The following CEP104 variants were observed in gnomAD, a reference collection of about 807,000 sequenced individuals.
CEP104 encodes centrosomal protein of 104 kDa.
A neutral mutation model predicts 113.3 loss-of-function variants in CEP104; 84 were observed. The ratio of observed to expected loss-of-function variants is 0.74; its 90% CI spans 0.62 to 0.89. The LOEUF (loss-of-function observed/expected upper bound fraction) is 0.89, where lower values mean the gene tolerates loss of function less well. CEP104 is among the 40% of genes least tolerant of loss of function. The probability of loss-of-function intolerance (pLI) is 0.00; values close to 1 mark genes in which losing one functional copy is unlikely to be tolerated. For synonymous variants in CEP104, 378 were observed against 421.7 expected (o/e 0.90, Z 1.27); for missense variants, 1,053 against 1,156.6 (o/e 0.91, Z 1.30).
intron 17 of CEP104, 144 bp downstream of exon 17, chr1:3,826,226 T>C: frequency 2.9e-6 from 2 of 683,116 alleles, no homozygotes; most frequent in East Asian, 2.5e-5. Flanking sequence ...TCGGAGTGGA[T>C]GCTGGTTAGT....
At chr1:3,820,492 G>A (rs918401820) in intron 20 of CEP104, among the ~76,000 whole-genome samples, 9 of 152,190 alleles carry the variant, frequency 5.9e-5, no homozygotes, top group Non-Finnish European at 1.0e-4. Flanking sequence ...GGGGCAGGAC[G>A]GCGCCTCTGT....
rs921553323 is a variant in CEP104 at position 3,812,147 on chromosome 1, G to A, written c.*3255C>T. The A allele has an allele frequency of 1.3e-5, 2 of 151,866 alleles. No individual in the cohort carries two copies. The highest frequency in any genetic ancestry group is 6.6e-5 in the Admixed American group (1 of 15,244). The allele number at this position is 151,866 out of a possible 1,614,324, so 9.4% of individuals were successfully genotyped here. On this transcript the variant is annotated 3_prime_UTR_variant, in exon 22 of 22. Transcript: ENST00000378230. ...TGAATTAACCCTTAAGCCCTAAAAC[G>A]ACAACAAAAATATATTACTTAGATA...
intron 13 of CEP104, 106 bp from the exon 14 acceptor site, chr1:3,830,103 A>C: frequency 1.3e-6 from 1 of 789,222 alleles, no homozygotes; most frequent in Non-Finnish European, 2.1e-6. Context: ...AAGAGAAAAC[A>C]TCCGTATTAA....
rs1008784906 is a variant in CEP104 at position 3,816,296 on chromosome 1, G to A, written c.2646C>T (p.Ala882=). The A allele has an allele frequency of 6.4e-7, 1 of 1,552,684 alleles. No individual in the cohort carries two copies. Among genetic ancestry groups the A allele is most frequent in the South Asian group, 1.2e-5 (1 of 84,134 alleles). ...NLRKTHILQK[A]PALQPGKSSA... ...GTCCCTCACCTGGCTGCAGTGCCGG[G>A]GCCTTCTGCAGAATGTGTGTCTTGC... The change falls in exon 21 of 22, where the codon GCC becomes GCT. Residue 882 remains alanine (A), a synonymous_variant. Coordinates refer to ENST00000378230, the MANE Select transcript of CEP104 (RefSeq NM_014704.4).
At chr1:3,846,944 G>C (rs868287323) in intron 4 of CEP104, among the ~76,000 whole-genome samples, 1 of 152,236 alleles carries the variant, frequency 6.6e-6, no homozygotes, top group Non-Finnish European at 1.5e-5. Flanking sequence ...TGAAGCTGGA[G>C]AGATTCTGGA....
In CEP104 at chr1:3,848,748, T is replaced by G; in HGVS notation, c.147A>C (p.Gln49His). Reference protein sequence around the residue: ...FCQFPQEIVLQMVERCRIRKL... With the variant: ...FCQFPQEIVLHMVERCRIRKL... ...TCCTTATTCGACATCTCTCCACCATTTGAAGGACAATTTCTTGTGGAAACT... is the reference window on the plus strand; with the variant it reads ...TCCTTATTCGACATCTCTCCACCATGTGAAGGACAATTTCTTGTGGAAACT... The change falls in exon 3 of 22, where the codon CAA becomes CAC. Residue 49 changes from glutamine (Q) to histidine (H), a missense_variant. Gln to His is a conservative substitution (Grantham distance 24). Transcript: ENST00000378230. 1 of 1,610,132 alleles carries G rather than the reference T, an allele frequency of 6.2e-7. No homozygotes were observed. Among genetic ancestry groups the G allele is most frequent in the Non-Finnish European group, 8.5e-7 (1 of 1,179,036 alleles).
chr1:3,855,000 T>C (rs1005675684), intron 1 of CEP104, among the ~76,000 whole-genome samples: 23 of 150,384 alleles, frequency 1.5e-4, no homozygotes, highest in African/African-American at 5.6e-4. Flanking sequence ...GCCTCCCAAG[T>C]AGCTAGTATT....
chr1:3,827,612 G>A (rs1313639383), intron 15 of CEP104, among the ~76,000 whole-genome samples: 1 of 152,230 alleles, frequency 6.6e-6, no homozygotes, highest in Admixed American at 6.5e-5. Flanking sequence ...AACAATGTGA[G>A]AGCACTCCAT....
In CEP104 at chr1:3,831,091, G is replaced by A; in HGVS notation, c.1791C>T (p.Asp597=). ...QMGLLARLLK[D]LGTGSSGFTI... is the part of the protein sequence containing the mutation. ...TGAAGCCCGAGCTGCCAGTGCCCAGGTCTTTCAGCAGCCGGGCCAGGAGGC... is the reference window on the plus strand; with the variant it reads ...TGAAGCCCGAGCTGCCAGTGCCCAGATCTTTCAGCAGCCGGGCCAGGAGGC... The change falls in exon 13 of 22, where the codon GAC becomes GAT. Residue 597 remains aspartate (D), a synonymous_variant. Coordinates refer to ENST00000378230, the MANE Select transcript of CEP104 (RefSeq NM_014704.4). 3.7e-6 allele frequency: 6 copies of A among 1,614,190 alleles called. No homozygotes were observed. Among genetic ancestry groups the A allele is most frequent in the Non-Finnish European group, 5.1e-6 (6 of 1,180,050 alleles).
chr1:3,828,314 T>A (rs1307052475), intron 15 of CEP104, among the ~76,000 whole-genome samples: 1 of 152,194 alleles, frequency 6.6e-6, no homozygotes, highest in Non-Finnish European at 1.5e-5. Context: ...CACACCACGA[T>A]GCGGACCTGA....
At chr1:3,844,027 C>T (rs61768927) in intron 6 of CEP104, among the ~76,000 whole-genome samples, 3 of 152,144 alleles carry the variant, frequency 2.0e-5, no homozygotes, top group Non-Finnish European at 4.4e-5. Context: ...TCCCAAAGTG[C>T]TGGGATTACA....
In CEP104 at chr1:3,839,143, T is replaced by C. The variant is rs185009188; in HGVS notation, c.736-24A>G. ...ACCTGAAGCACAAAATATTTGCTTT[T>C]TCTTTCAAATTTGGATCAACTCACA... On this transcript the variant is annotated intron_variant, in intron 7 of 21. Transcript: ENST00000378230. The C allele has an allele frequency of 1.7e-4, 272 of 1,610,414 alleles. 2 individuals are homozygous for C. In the East Asian group the frequency reaches 6.0e-3, roughly 35 times the overall value.
rs772976859 is a variant in CEP104, at chr1:3,833,882, T to C, written c.1639A>G (p.Thr547Ala). 1.2e-6 allele frequency: 2 copies of C among 1,614,234 alleles called. No homozygotes were observed. Among genetic ancestry groups the C allele is most frequent in the Admixed American group, 3.3e-5 (2 of 60,024 alleles). The stretch of plus-strand genomic sequence containing the variant: ...CAGACCTGAATAAAATTTGCAGCTG[T>C]GACGCGGAGGCGGGCAGAAGAATCT... ...TGDSSARLRV[T>A]AANFIQEMAL... Residue 547 changes from threonine to alanine, a missense_variant, in exon 12 of 22, where the codon ACA (threonine) becomes GCA (alanine). By Grantham distance (58) the Thr-to-Ala change is moderately conservative. Transcript: ENST00000378230.
chr1:3,847,709 T>C (rs1346453149), intron 3 of CEP104, 96 bp from the exon 4 acceptor site: 58 of 1,316,478 alleles, frequency 4.4e-5, no homozygotes, highest in Non-Finnish European at 5.7e-5. Flanking sequence ...TTTATGTTTA[T>C]TGTTTTATTT....
chr1:3,831,340 T>G (rs556296454), intron 12 of CEP104, 118 bp from the exon 13 acceptor site: 1 of 837,376 alleles, frequency 1.2e-6, no homozygotes, highest in African/African-American at 1.7e-5. Context: ...TACAGATTGA[T>G]AGTGACAAGG....
intron 6 of CEP104, among the ~76,000 whole-genome samples, chr1:3,842,110 G>A (rs947656429): frequency 1.3e-5 from 2 of 152,132 alleles, no homozygotes; most frequent in African/African-American, 4.8e-5. Context: ...TTTTTGAGAC[G>A]GAGTCTCGCT....
chr1:3,842,714 T>C (rs570294598), intron 6 of CEP104, among the ~76,000 whole-genome samples: 1 of 152,338 alleles, frequency 6.6e-6, no homozygotes, highest in African/African-American at 2.4e-5. Context: ...GTTTAAAAAG[T>C]TGATCTTTTC....
At chr1:3,852,227 GC>G in intron 2 of CEP104, 67 bp downstream of exon 2, 2 of 1,471,970 alleles carry the variant, frequency 1.4e-6, no homozygotes, top group Non-Finnish European at 9.1e-7. Flanking sequence ...AATGAAAGGA[GC>G]CCCTGTACCC....
chr1:3,846,238 G>A (rs1248117910), intron 4 of CEP104, among the ~76,000 whole-genome samples: 2 of 152,118 alleles, frequency 1.3e-5, no homozygotes, highest in African/African-American at 4.8e-5. Context: ...AGTTAACACA[G>A]CTCAGTTCCC....
Sources: gnomAD v4.1 joint callset for allele counts (sites outside exome capture counted in the v4.1 genomes callset) on GRCh38, gnomAD v4.1.1 for gene constraint, MANE v1.5 for transcripts, NCBI Gene and HGNC (gene_info 2026-07-23, HGNC 2026-07-21) for gene names.